The following C1orf21 variants were observed in gnomAD, a reference collection of about 807,000 sequenced individuals.
C1orf21 encodes chromosome 1 open reading frame 21.
Under a neutral mutation model 18.7 loss-of-function variants are expected in C1orf21, and 3 were observed. The observed-to-expected ratio is 0.16, with a 90% CI of 0.07 to 0.42. The LOEUF is 0.42. C1orf21 is among the 10% of genes least tolerant of loss of function. C1orf21 has a pLI of 0.99. For synonymous variants in C1orf21, 41 were observed against 46.4 expected (o/e 0.88, Z 0.47); for missense variants, 104 against 143.6 (o/e 0.72, Z 1.41).
intron 3 of C1orf21, among the ~76,000 whole-genome samples, chr1:184,520,673 G>A (rs1030529087): frequency 1.3e-5 from 2 of 151,742 alleles, no homozygotes; most frequent in African/African-American, 4.8e-5. Context: ...CTAATGGATT[G>A]GTTTACTCCT....
intron 5 of C1orf21, among the ~76,000 whole-genome samples, chr1:184,618,326 A>G (rs115379662): frequency 0.018 from 2,667 of 152,298 alleles, 79 homozygotes; most frequent in African/African-American, 0.061. Flanking sequence ...TTAATCTTCA[A>G]CTATTCTGTG....
chr1:184,583,833 T>C (rs1659315282), intron 3 of C1orf21, among the ~76,000 whole-genome samples: 1 of 152,216 alleles, frequency 6.6e-6, no homozygotes, highest in Admixed American at 6.5e-5. Flanking sequence ...GCCTTTATCT[T>C]AGTCGCAGTT....
At chr1:184,554,508 T>G (rs2101983103) in intron 3 of C1orf21, among the ~76,000 whole-genome samples, 2 of 152,310 alleles carry the variant, frequency 1.3e-5, no homozygotes, top group South Asian at 4.1e-4. Flanking sequence ...AAAAGGAAAT[T>G]TTGCTGTGTT....
chr1:184,570,748 G>C (rs1659096496), intron 3 of C1orf21, among the ~76,000 whole-genome samples: 1 of 152,212 alleles, frequency 6.6e-6, no homozygotes, highest in South Asian at 2.1e-4. Context: ...CAGATGTAAT[G>C]AAAGTGGCGT....
At chr1:184,590,601 G>T in intron 3 of C1orf21, 138 bp from the exon 4 acceptor site, 1 of 716,560 alleles carries the variant, frequency 1.4e-6, no homozygotes, top group Non-Finnish European at 2.4e-6. Flanking sequence ...TCTTTGCAAG[G>T]ACTTTTGCCC....
intron 5 of C1orf21, among the ~76,000 whole-genome samples, chr1:184,617,239 A>G (rs1335365706): frequency 6.6e-6 from 1 of 152,136 alleles, no homozygotes; most frequent in Non-Finnish European, 1.5e-5. Flanking sequence ...GTGCGCTGTC[A>G]AACAACAGTG....
At chr1:184,457,906 C>A (rs1010562902) in intron 1 of C1orf21, among the ~76,000 whole-genome samples, 86 of 152,248 alleles carry the variant, frequency 5.6e-4, no homozygotes, top group African/African-American at 2.0e-3. Context: ...GGATAGATAT[C>A]TTCAATTAAG....
chr1:184,494,941 A>G (rs751217645), intron 2 of C1orf21, among the ~76,000 whole-genome samples: 10 of 151,772 alleles, frequency 6.6e-5, no homozygotes, highest in Non-Finnish European at 1.0e-4. Flanking sequence ...TTCAGTTTCC[A>G]GGGCTCAGCT....
chr1:184,527,611 C>T (rs188063679), intron 3 of C1orf21, among the ~76,000 whole-genome samples: 10 of 152,172 alleles, frequency 6.6e-5, no homozygotes, highest in East Asian at 1.9e-4. Context: ...GAGTAAGGTT[C>T]GGGTTGTGAA....
chr1:184,388,196 G>A (rs1000039758), intron 1 of C1orf21, among the ~76,000 whole-genome samples: 1 of 152,070 alleles, frequency 6.6e-6, no homozygotes, highest in Non-Finnish European at 1.5e-5. Flanking sequence ...AGAAGTCCTG[G>A]GCTTAAGGGC....
chr1:184,586,174 T>C (rs921940543), intron 3 of C1orf21, among the ~76,000 whole-genome samples: 3 of 152,232 alleles, frequency 2.0e-5, no homozygotes, highest in African/African-American at 7.2e-5. Flanking sequence ...TATCTCATTG[T>C]GGTTTTGATT....
intron 1 of C1orf21, among the ~76,000 whole-genome samples, chr1:184,425,267 CTTT>C: frequency 6.9e-6 from 1 of 144,374 alleles, no homozygotes; most frequent in East Asian, 2.0e-4. Context: ...ATCCTGATAT[CTTT>C]TTTTTTTTTT....
At chr1:184,423,732 T>C (rs1656584075) in intron 1 of C1orf21, among the ~76,000 whole-genome samples, 1 of 152,010 alleles carries the variant, frequency 6.6e-6, no homozygotes, top group Non-Finnish European at 1.5e-5. Flanking sequence ...CCTTCTTTCC[T>C]TTCTTCCTTT....
intron 3 of C1orf21, chr1:184,568,300 A>C (rs1659062245): frequency 2.7e-6 from 1 of 372,362 alleles, no homozygotes; most frequent in African/African-American, 2.1e-5. Flanking sequence ...TTATTGTGCA[A>C]CCATCACCAC....
chr1:184,508,809 G>A (rs1321543803), intron 3 of C1orf21, among the ~76,000 whole-genome samples: 1 of 152,120 alleles, frequency 6.6e-6, no homozygotes, highest in Non-Finnish European at 1.5e-5. Context: ...AAGACACAGA[G>A]ATTCATCATA....
At chr1:184,418,741 T>G (rs1043983288) in intron 1 of C1orf21, among the ~76,000 whole-genome samples, 3 of 152,198 alleles carry the variant, frequency 2.0e-5, no homozygotes, top group Non-Finnish European at 4.4e-5. Flanking sequence ...TACAGAAGGC[T>G]TGGTGGCAGC....
At chr1:184,512,149 C>T (rs1009506826) in intron 3 of C1orf21, among the ~76,000 whole-genome samples, 7 of 152,178 alleles carry the variant, frequency 4.6e-5, no homozygotes, top group Admixed American at 2.6e-4. Flanking sequence ...TGCCACTGCC[C>T]TCCTTGCTCA....
chr1:184,554,928 T>A (rs1658857863), intron 3 of C1orf21, among the ~76,000 whole-genome samples: 1 of 152,216 alleles, frequency 6.6e-6, no homozygotes, highest in South Asian at 2.1e-4. Context: ...ATATACACAT[T>A]TCTCTGATTC....
At chr1:184,476,320 C>T (rs958174243) in intron 1 of C1orf21, among the ~76,000 whole-genome samples, 1 of 152,070 alleles carries the variant, frequency 6.6e-6, no homozygotes, top group Non-Finnish European at 1.5e-5. Flanking sequence ...TTCAAAGAGG[C>T]TTGATGCCTT....
Sources: allele counts gnomAD v4.1 joint callset (sites outside exome capture counted in the v4.1 genomes callset), GRCh38; gene constraint gnomAD v4.1.1; transcripts MANE v1.5; gene names NCBI Gene and HGNC (gene_info 2026-07-23, HGNC 2026-07-21).